Variants in MGAT4C observed in about 807,000 individuals in gnomAD.
MGAT4C encodes the protein MGAT4 family member C.
MGAT4C carries 19 observed loss-of-function variants against 40.1 expected under a neutral mutation model. That is an observed-to-expected ratio of 0.47 (90% CI 0.33 to 0.70). The LOEUF is 0.70. Among genes scored for constraint, MGAT4C ranks in the 30% least tolerant of loss-of-function variants. MGAT4C has a pLI of 0.02. For missense variants in MGAT4C, 491 were observed against 563.2 expected, an observed-to-expected ratio of 0.87 and a Z score of 1.30; for synonymous variants, 181 against 187.1, an observed-to-expected ratio of 0.97 and a Z score of 0.27.
Position 86,494,077 on chromosome 12 carries a change from T to A in MGAT4C, c.-228-58812A>T, listed in dbSNP as rs114773763. Among the ~76,000 whole-genome samples, 453 of 152,204 alleles carry A rather than the reference T, an allele frequency of 3.0e-3. 2 individuals carry two copies. Among genetic ancestry groups the A allele is most frequent in the African/African-American group, 0.01 (432 of 41,564 alleles). ...CATGTAATCACCATAACAATCAAGA[T>A]GTAAAACCTTTCATTCACCTTAAAA... On this transcript the variant is annotated intron_variant, in intron 2 of 7. Coordinates refer to the MGAT4C transcript ENST00000548651.
intron 3 of MGAT4C, among the ~76,000 whole-genome samples, chr12:86,355,771 TA>T (rs1455244992): frequency 1.3e-5 from 2 of 152,106 alleles, no homozygotes; most frequent in Non-Finnish European, 2.9e-5. Flanking sequence ...TTTTTGAAAC[TA>T]GATAAATATT....
At chr12:86,083,454 A>G (rs1330603558) in intron 1 of MGAT4C, among the ~76,000 whole-genome samples, 2 of 152,048 alleles carry the variant, frequency 1.3e-5, no homozygotes, top group Non-Finnish European at 2.9e-5. Context: ...AGGGTTCTGT[A>G]TGATCTGTCT....
At chr12:86,261,070 A>G (rs879321218), upstream of MGAT4C, among the ~76,000 whole-genome samples, 1 of 152,108 alleles carries the variant, frequency 6.6e-6, no homozygotes. Flanking sequence ...GGAGCACATG[A>G]TAAAGTAAAA....
Position 86,193,465 on chromosome 12 carries a change from T to C in MGAT4C, c.-57+62774A>G, listed in dbSNP as rs371424339. 3.3e-5 allele frequency among the ~76,000 whole-genome samples: 5 copies of C among 152,094 alleles called. No individual in the cohort carries two copies. In the South Asian group the frequency reaches 1.0e-3, roughly 31 times the overall value. On this transcript the variant is annotated intron_variant, in intron 1 of 4. Transcript: ENST00000611864. ...TTTTAATTTTATATTTATCTACCAGTATCATTGGTTTTTATTCCTCCCTGT... is the reference window on the plus strand; with the variant it reads ...TTTTAATTTTATATTTATCTACCAGCATCATTGGTTTTTATTCCTCCCTGT...
At chr12:85,994,558 C>G (rs1886382649) in intron 2 of MGAT4C, among the ~76,000 whole-genome samples, 1 of 151,896 alleles carries the variant, frequency 6.6e-6, no homozygotes, top group African/African-American at 2.4e-5. Context: ...ACTCCTCCCC[C>G]ACCTCAAACA....
intron 2 of MGAT4C, among the ~76,000 whole-genome samples, chr12:86,697,217 G>A (rs1014675055): frequency 9.2e-5 from 14 of 151,906 alleles, no homozygotes; most frequent in South Asian, 2.1e-4. Context: ...AAATATATTC[G>A]CTAAAGTAGA....
chr12:86,565,888 G>T (rs1960071255), intron 2 of MGAT4C, among the ~76,000 whole-genome samples: 1 of 152,152 alleles, frequency 6.6e-6, no homozygotes. Flanking sequence ...GGGGGCAGGG[G>T]TAGAGGTTAC....
intron 1 of MGAT4C, among the ~76,000 whole-genome samples, chr12:86,138,507 T>TATATATTTCCATAGATATATC (rs1882334494): frequency 6.8e-6 from 1 of 147,804 alleles, no homozygotes; most frequent in Non-Finnish European, 1.5e-5. Flanking sequence ...ATATATCATG[T>TATATATTTCCATAGATATATC]ATATATTTCC....
chr12:85,985,281 T>C (rs1261246957), intron 3 of MGAT4C, among the ~76,000 whole-genome samples: 1 of 152,210 alleles, frequency 6.6e-6, no homozygotes, highest in Non-Finnish European at 1.5e-5. Context: ...TCAATACTTC[T>C]ACTTCGCATC....
At chr12:86,310,974 T>C (rs1333158983) in intron 4 of MGAT4C, among the ~76,000 whole-genome samples, 1 of 152,136 alleles carries the variant, frequency 6.6e-6, no homozygotes, top group Non-Finnish European at 1.5e-5. Flanking sequence ...GGGAATAAAA[T>C]GATATCCTAA....
intron 2 of MGAT4C, among the ~76,000 whole-genome samples, chr12:86,693,303 G>C (rs889658802): frequency 3.3e-5 from 5 of 152,142 alleles, no homozygotes; most frequent in African/African-American, 1.2e-4. Context: ...CCAGTAACTT[G>C]ATAACGGCAA....
intron 2 of MGAT4C, among the ~76,000 whole-genome samples, chr12:86,649,808 T>A (rs1172579520): frequency 6.6e-6 from 1 of 151,926 alleles, no homozygotes; most frequent in African/African-American, 2.4e-5. Flanking sequence ...AGGGTATTGA[T>A]AATTTGCAAC....
rs139342585 is a variant in MGAT4C at position 86,035,018 on chromosome 12, G to A, written c.-7+14656C>T. Among the ~76,000 whole-genome samples the A allele has an allele frequency of 2.1e-3, 308 of 149,900 alleles. 25 individuals are homozygous for A. Among genetic ancestry groups the A allele is most frequent in the Non-Finnish European group, 3.7e-3 (249 of 66,784 alleles). ...GTTGGTTCCAAGTCTTTGCTATTGC[G>A]AACAGTCCCACAATAAACATACGTG... On this transcript the variant is annotated intron_variant, in intron 2 of 4. Transcript: ENST00000611864.
At chr12:86,585,494 C>A (rs1960978854) in intron 2 of MGAT4C, among the ~76,000 whole-genome samples, 1 of 150,910 alleles carries the variant, frequency 6.6e-6, no homozygotes, top group East Asian at 2.0e-4. Context: ...AAAAATTTTG[C>A]CTAAAGGTAA....
chr12:86,699,576 G>C (rs1051984939), intron 2 of MGAT4C, among the ~76,000 whole-genome samples: 1 of 151,980 alleles, frequency 6.6e-6, no homozygotes, highest in Non-Finnish European at 1.5e-5. Context: ...GGTAGGAGCT[G>C]TTAACCCCAG....
At chr12:86,174,365 G>C (rs2135842613) in intron 1 of MGAT4C, among the ~76,000 whole-genome samples, 1 of 152,166 alleles carries the variant, frequency 6.6e-6, no homozygotes, top group East Asian at 1.9e-4. Context: ...AATCTTAACA[G>C]TTGTGTGAAT....
At chr12:86,587,264 G>T (rs1024638162) in intron 2 of MGAT4C, among the ~76,000 whole-genome samples, 3 of 151,962 alleles carry the variant, frequency 2.0e-5, no homozygotes, top group Non-Finnish European at 2.9e-5. Context: ...GATAGTTGTA[G>T]ATATGCGGCA....
At chr12:86,735,552 C>A (rs1035332782) in intron 1 of MGAT4C, among the ~76,000 whole-genome samples, 1 of 151,794 alleles carries the variant, frequency 6.6e-6, no homozygotes, top group Non-Finnish European at 1.5e-5. Context: ...ATTTCTATTT[C>A]ATTTTGGGGT....
At chr12:86,321,378 TC>T (rs1481601670) in intron 4 of MGAT4C, among the ~76,000 whole-genome samples, 3 of 152,198 alleles carry the variant, frequency 2.0e-5, no homozygotes, top group Admixed American at 1.3e-4. Flanking sequence ...ATAAAATAGA[TC>T]ATTTACACTT....
Sources: allele counts gnomAD v4.1 joint callset (sites outside exome capture counted in the v4.1 genomes callset), GRCh38; gene constraint gnomAD v4.1.1; transcripts MANE v1.5; gene names NCBI Gene and HGNC (gene_info 2026-07-23, HGNC 2026-07-21).